LIMS1: variants seen among roughly 807,000 people sequenced by gnomAD.
LIMS1 encodes the protein LIM zinc finger domain containing 1.
A neutral mutation model predicts 44.1 loss-of-function variants in LIMS1; 18 were observed. That is an observed-to-expected ratio of 0.41 (90% CI 0.28 to 0.61). The LOEUF (loss-of-function observed/expected upper bound fraction) is 0.61. Ranked by LOEUF, LIMS1 falls within the 20% of genes least tolerant of loss-of-function variation. The pLI is 0.32. For missense variants in LIMS1, 201 were observed against 422.0 expected, an observed-to-expected ratio of 0.48 and a Z score of 4.59; for synonymous variants, 93 against 149.1, an observed-to-expected ratio of 0.62 and a Z score of 2.74.
At chr2:108,626,441 A>G (rs548658856) in intron 1 of LIMS1, among the ~76,000 whole-genome samples, 2 of 152,194 alleles carry the variant, frequency 1.3e-5, no homozygotes, top group African/African-American at 4.8e-5. Flanking sequence ...TTAAAAGTTC[A>G]TAGTGCTTAC....
intron 1 of LIMS1, among the ~76,000 whole-genome samples, chr2:108,619,038 C>T (rs892693675): frequency 4.6e-5 from 7 of 152,016 alleles, no homozygotes; most frequent in Non-Finnish European, 8.8e-5. Flanking sequence ...ACTGCTCTCC[C>T]CCGCCCCGTC....
chr2:108,549,279 CTTTTTTTTTTTTTTTTTTTTTT>C (rs71381966), intron 1 of LIMS1, among the ~76,000 whole-genome samples: 717 of 55,908 alleles, frequency 0.013, 31 homozygotes, highest in Middle Eastern at 0.1. Flanking sequence ...TAAAGTGTTT[CTTTTTTTTTTTTTTTTTTTTTT>C]TTTTTTTTTT....
At chr2:108,573,857 A>G (rs1175748891) in intron 1 of LIMS1, among the ~76,000 whole-genome samples, 1 of 152,210 alleles carries the variant, frequency 6.6e-6, no homozygotes, top group East Asian at 1.9e-4. Flanking sequence ...TTGGGCCAAG[A>G]TCAGGCTGAG....
In LIMS1 at chr2:108,629,846, C is replaced by G. The variant is rs144760501; in HGVS notation, c.33-29759C>G. On this transcript the variant is annotated intron_variant, in intron 1 of 9. Transcript: ENST00000544547. ...GCAGATTCCTTTCCTGAGGTCCTTC[C>G]TTTGTCCCATGGCAGCTGCAGAGGC... 7.2e-5 allele frequency among the ~76,000 whole-genome samples: 11 copies of G among 152,262 alleles called. No individual in the cohort carries two copies. The East Asian group carries it at 1.2e-3, about 16-fold the overall frequency.
At chr2:108,672,106 G>A (rs1477265859) in intron 3 of LIMS1, among the ~76,000 whole-genome samples, 5 of 145,516 alleles carry the variant, frequency 3.4e-5, no homozygotes, top group Non-Finnish European at 7.4e-5. Context: ...GGCAGAGGTT[G>A]CAGTGAGTCG....
intron 1 of LIMS1, among the ~76,000 whole-genome samples, chr2:108,542,026 A>G (rs1217827505): frequency 6.6e-6 from 1 of 152,392 alleles, no homozygotes; most frequent in South Asian, 2.1e-4. Context: ...AAATATCCAA[A>G]GAAAAACAAG....
rs541309124 is a variant in LIMS1 at position 108,604,133 on chromosome 2, A to G, written c.33-55472A>G. 2.6e-4 allele frequency among the ~76,000 whole-genome samples: 40 copies of G among 152,274 alleles called. 1 individual carries two copies. In the South Asian group the frequency reaches 8.1e-3, roughly 31 times the overall value. On this transcript the variant is annotated intron_variant, in intron 1 of 9. Transcript: ENST00000544547. ...TTGTTTCCTTTCCATGTATTTATAT[A>G]GTTTCCAAAATTCCTCTTGTTATTT...
chr2:108,667,085 G>A (rs1483328598), intron 2 of LIMS1, among the ~76,000 whole-genome samples: 1 of 151,922 alleles, frequency 6.6e-6, no homozygotes, highest in Non-Finnish European at 1.5e-5. Flanking sequence ...AGGCTGGAGG[G>A]TGGGGCTGAA....
intron 1 of LIMS1, among the ~76,000 whole-genome samples, chr2:108,579,287 A>T (rs1390992408): frequency 6.6e-6 from 1 of 152,210 alleles, no homozygotes; most frequent in Non-Finnish European, 1.5e-5. Context: ...TTATCGAACC[A>T]AGATGTCACA....
intron 1 of LIMS1, among the ~76,000 whole-genome samples, chr2:108,647,531 A>G (rs1008736334): frequency 3.3e-5 from 5 of 152,240 alleles, no homozygotes; most frequent in Non-Finnish European, 7.3e-5. Context: ...TTTCAGGCCA[A>G]TATCCCTGAT....
intron 1 of LIMS1, among the ~76,000 whole-genome samples, chr2:108,626,296 C>G (rs1044395800): frequency 2.6e-5 from 4 of 152,166 alleles, no homozygotes; most frequent in Admixed American, 6.5e-5. Context: ...CTGATATTAT[C>G]TGTTCTTATT....
intron 1 of LIMS1, among the ~76,000 whole-genome samples, chr2:108,603,214 GTTC>G (rs1416487218): frequency 6.6e-6 from 1 of 152,140 alleles, no homozygotes; most frequent in Non-Finnish European, 1.5e-5. Flanking sequence ...ATTAGTAGTA[GTTC>G]TTCTTTAAAT....
At chr2:108,654,919 A>C in intron 1 of LIMS1, 1 of 1,496,342 alleles carries the variant, frequency 6.7e-7, no homozygotes, top group African/African-American at 1.4e-5. Flanking sequence ...AGCTCTTAAC[A>C]TGAAGCAGCA....
intron 1 of LIMS1, among the ~76,000 whole-genome samples, chr2:108,627,084 G>A (rs1688619070): frequency 6.6e-6 from 1 of 152,146 alleles, no homozygotes; most frequent in South Asian, 2.1e-4. Context: ...GTTGCCTACA[G>A]TATTCAATAC....
intron 9 of LIMS1, chr2:108,681,691 T>G (rs531207483): frequency 4.3e-5 from 26 of 598,940 alleles, no homozygotes; most frequent in Non-Finnish European, 5.4e-5. Context: ...GAAGGCAGAG[T>G]GGAAGGATTG....
intron 1 of LIMS1, among the ~76,000 whole-genome samples, chr2:108,541,650 ACT>A (rs1375299208): frequency 7.2e-5 from 11 of 152,290 alleles, no homozygotes; most frequent in Middle Eastern, 3.4e-3. Flanking sequence ...CTTGTCACAC[ACT>A]GTTTCCTTAG....
chr2:108,549,275 G>GTTTTTTTTTTTTTTTTTTTTTTTT (rs1558782542), intron 1 of LIMS1, among the ~76,000 whole-genome samples: 1 of 86,494 alleles, frequency 1.2e-5, no homozygotes. Context: ...CAAGTAAAGT[G>GTTTTTTTTTTTTTTTTTTTTTTTT]TTTCTTTTTT....
intron 1 of LIMS1, among the ~76,000 whole-genome samples, chr2:108,651,705 G>A (rs1296659057): frequency 6.6e-6 from 1 of 152,120 alleles, no homozygotes; most frequent in Non-Finnish European, 1.5e-5. Flanking sequence ...ATCTCTATCT[G>A]CTTCCCCGTA....
chr2:108,566,006 C>T (rs942795143), intron 1 of LIMS1, among the ~76,000 whole-genome samples: 1 of 152,192 alleles, frequency 6.6e-6, no homozygotes, highest in African/African-American at 2.4e-5. Context: ...TTGGAGGGAA[C>T]ACAAACATTC....
Sources: gnomAD v4.1 joint callset for allele counts (sites outside exome capture counted in the v4.1 genomes callset) on GRCh38, gnomAD v4.1.1 for gene constraint, MANE v1.5 for transcripts, NCBI Gene and HGNC (gene_info 2026-07-23, HGNC 2026-07-21) for gene names.